Variants in STPG4 observed in about 807,000 individuals in gnomAD.
The protein encoded by STPG4 is protein STPG4.
Under a neutral mutation model 31.5 loss-of-function variants are expected in STPG4, and 41 were observed. That is an observed-to-expected ratio of 1.30 (90% CI 1.01 to 1.69). STPG4 has a LOEUF of 1.69. Among genes scored for constraint, STPG4 ranks in the 40% most tolerant of loss-of-function variants. STPG4 has a pLI of 0.00. For missense variants in STPG4, 375 were observed against 293.4 expected (o/e 1.28, Z -2.03); for synonymous variants, 141 against 103.0 (o/e 1.37, Z -2.24).
chr2:47,087,387 C>G (rs1001197446), intron 6 of STPG4, among the ~76,000 whole-genome samples: 1 of 152,246 alleles, frequency 6.6e-6, no homozygotes, highest in African/African-American at 2.4e-5. Context: ...CACCTAGAAC[C>G]TGCTGGGAGA....
intron 5 of STPG4, among the ~76,000 whole-genome samples, chr2:47,100,718 A>G (rs1685779103): frequency 6.6e-6 from 1 of 151,668 alleles, no homozygotes; most frequent in Non-Finnish European, 1.5e-5. Flanking sequence ...GAGGCCAGCG[A>G]GACCATGAGC....
chr2:47,149,826 AC>A (rs1686900959), intron 3 of STPG4, among the ~76,000 whole-genome samples: 1 of 152,258 alleles, frequency 6.6e-6, no homozygotes, highest in African/African-American at 2.4e-5. Flanking sequence ...AGTCCAAGTC[AC>A]AACTCTTATC....
At chr2:47,098,847 C>A (rs1382102593) in intron 5 of STPG4, among the ~76,000 whole-genome samples, 1 of 151,734 alleles carries the variant, frequency 6.6e-6, no homozygotes, top group Non-Finnish European at 1.5e-5. Context: ...TCTGGGCACT[C>A]AAGAGGTGGT....
Position 47,087,038 on chromosome 2 carries a change from G to A in STPG4, c.717C>T (p.Phe239=), listed in dbSNP as rs1379161936. The A allele has an allele frequency of 1.9e-6, 3 of 1,551,758 alleles. No individual in the cohort carries two copies. The highest frequency in any genetic ancestry group is 2.6e-6 in the Non-Finnish European group (3 of 1,146,996). The change falls in exon 7 of 7, where the codon TTC becomes TTT. Residue 239 remains phenylalanine, a synonymous_variant. Coordinates refer to ENST00000445927, the MANE Select transcript of STPG4 (RefSeq NM_001163561.2). ...TTAAAAGCCAATTGTTGTTGTTGAA[G>A]AAAAGGCTATGCTCTTGGCCCATTT... ...IAKMGQEHSL[F]FNNNNWLLK is the part of the protein sequence containing the mutation.
At chr2:47,107,825 G>A (rs1028321032) in intron 5 of STPG4, among the ~76,000 whole-genome samples, 20 of 152,118 alleles carry the variant, frequency 1.3e-4, no homozygotes, top group African/African-American at 4.6e-4. Flanking sequence ...CTAGCTCAAG[G>A]TTTGTAAACA....
chr2:47,108,204 A>G (rs561527972), intron 5 of STPG4, among the ~76,000 whole-genome samples: 1 of 151,582 alleles, frequency 6.6e-6, no homozygotes, highest in East Asian at 1.9e-4. Context: ...ACTCGGCTCT[A>G]CCAATCAGCA....
At chr2:47,139,882 T>C (rs1054005294) in intron 3 of STPG4, among the ~76,000 whole-genome samples, 6 of 152,026 alleles carry the variant, frequency 3.9e-5, no homozygotes, top group Non-Finnish European at 7.4e-5. Context: ...TTCAAGCAAT[T>C]CTCCTGCCTC....
At chr2:47,121,021 G>A (rs997879345) in intron 5 of STPG4, 1 of 152,874 alleles carries the variant, frequency 6.5e-6, no homozygotes, top group African/African-American at 2.4e-5. Context: ...ACCTGGCAGT[G>A]TAGAGAAGGC....
At chr2:47,144,178 T>C (rs1371263396) in intron 3 of STPG4, among the ~76,000 whole-genome samples, 1 of 152,236 alleles carries the variant, frequency 6.6e-6, no homozygotes. Context: ...AAAATATAAA[T>C]GATGCATTTC....
At chr2:47,142,525 G>C (rs77727217) in intron 3 of STPG4, among the ~76,000 whole-genome samples, 12 of 152,004 alleles carry the variant, frequency 7.9e-5, no homozygotes, top group African/African-American at 2.7e-4. Context: ...AAAAAATTTC[G>C]AGTTACTTAC....
rs990384189 is a variant in STPG4, at chr2:47,130,338, T to C, written c.400-78A>G. ...TTCGTTATCTGTCATTCGTAATCTT[T>C]TATTTTATGACCATACAACATTGGA... is the stretch of plus-strand genomic sequence containing the variant. On this transcript the variant is annotated intron_variant, in intron 3 of 6. Coordinates refer to ENST00000445927, the MANE Select transcript of STPG4 (RefSeq NM_001163561.2). 3.5e-5 allele frequency: 40 copies of C among 1,143,456 alleles called. No homozygotes were observed. The African/African-American group carries it at 4.6e-4, about 13-fold the overall frequency. 70.8% of individuals were successfully genotyped at this position (1,143,456 alleles called of 1,614,324 possible). A position where few individuals can be genotyped will look rare whatever the true frequency, so the allele number is the denominator to read the frequency against.
chr2:47,091,622 G>A (rs1041901376), intron 5 of STPG4, among the ~76,000 whole-genome samples: 1 of 152,166 alleles, frequency 6.6e-6, no homozygotes. Context: ...AGGAGTTAGG[G>A]GAAGTGGGTG....
In STPG4 at chr2:47,146,536, G is replaced by A. The variant is rs192681351; in HGVS notation, c.399+4722C>T. ...AGCCCAGGAGTTTGAGACCAGCCTG[G>A]GCAACATAGTGGGACCCCATCTCTA... is the stretch of plus-strand genomic sequence containing the variant. On this transcript the variant is annotated intron_variant, in intron 3 of 6. Coordinates refer to ENST00000445927, the MANE Select transcript of STPG4 (RefSeq NM_001163561.2). 2.0e-5 allele frequency among the ~76,000 whole-genome samples: 3 copies of A among 149,798 alleles called. No individual in the cohort carries two copies. The East Asian group carries it at 5.9e-4, about 30-fold the overall frequency.
chr2:47,117,218 T>A (rs2103762696), intron 5 of STPG4, among the ~76,000 whole-genome samples: 1 of 152,332 alleles, frequency 6.6e-6, no homozygotes, highest in African/African-American at 2.4e-5. Flanking sequence ...TTTTTGTTTT[T>A]GTTTTTTTGA....
In STPG4 at chr2:47,133,524, T is replaced by G. The variant is rs900358990; in HGVS notation, c.400-3264A>C. Among the ~76,000 whole-genome samples the G allele has an allele frequency of 6.2e-5, 9 of 146,154 alleles. No individual in the cohort carries two copies. The Admixed American group carries it at 6.2e-4, about 10-fold the overall frequency. On this transcript the variant is annotated intron_variant, in intron 3 of 6. Transcript: ENST00000445927. ...GCAAGATGCCAGTAAAAATATCTGA[T>G]TCTCACTAATTAATGTTTCAATCCA... is the stretch of plus-strand genomic sequence containing the variant.
chr2:47,137,498 G>T (rs1204757503), intron 3 of STPG4, among the ~76,000 whole-genome samples: 1 of 152,166 alleles, frequency 6.6e-6, no homozygotes, highest in Admixed American at 6.5e-5. Context: ...CTAATAGAAT[G>T]AGTTAGGAGG....
At chr2:47,097,781 T>A (rs1463116569) in intron 5 of STPG4, among the ~76,000 whole-genome samples, 4 of 152,120 alleles carry the variant, frequency 2.6e-5, no homozygotes, top group Non-Finnish European at 5.9e-5. Flanking sequence ...CCAAGAAACA[T>A]GTGGTGTGTA....
chr2:47,109,128 A>T (rs750112137), intron 5 of STPG4, among the ~76,000 whole-genome samples: 32 of 152,368 alleles, frequency 2.1e-4, no homozygotes, highest in Middle Eastern at 6.8e-3. Flanking sequence ...AGAAATTGTT[A>T]TAAGAAAGTA....
At chr2:47,121,471 A>G (rs1686271210) in intron 5 of STPG4, among the ~76,000 whole-genome samples, 1 of 152,158 alleles carries the variant, frequency 6.6e-6, no homozygotes. Context: ...CAACTGACAT[A>G]TCCTAGAAAA....
Sources: allele counts gnomAD v4.1 joint callset (sites outside exome capture counted in the v4.1 genomes callset), GRCh38; gene constraint gnomAD v4.1.1; transcripts MANE v1.5; gene names NCBI Gene and HGNC (gene_info 2026-07-23, HGNC 2026-07-21).